FSTL1: variants seen among roughly 807,000 people sequenced by gnomAD.
FSTL1 encodes follistatin-related protein 1.
Under a neutral mutation model 45.9 loss-of-function variants are expected in FSTL1, and 24 were observed. The observed-to-expected ratio is 0.52, with a 90% CI of 0.38 to 0.74. The LOEUF is 0.74. FSTL1 is among the 30% of genes least tolerant of loss of function. The probability of loss-of-function intolerance (pLI) is 0.00; values close to 1 mark genes in which losing one functional copy is unlikely to be tolerated. For synonymous variants in FSTL1, 120 were observed against 137.6 expected (o/e 0.87, Z 0.89); for missense variants, 340 against 381.8 (o/e 0.89, Z 0.91).
chr3:120,434,264 A>G (rs1937518660), intron 2 of FSTL1, among the ~76,000 whole-genome samples: 1 of 152,186 alleles, frequency 6.6e-6, no homozygotes, highest in African/African-American at 2.4e-5. Flanking sequence ...AAAATAAAAG[A>G]GAAAATTCCT....
chr3:120,405,756 T>C lies in FSTL1; in HGVS notation c.463-785A>G, dbSNP rs557229336. Among the ~76,000 whole-genome samples the C allele has an allele frequency of 3.3e-5, 5 of 152,340 alleles. No individual in the cohort carries two copies. The South Asian group carries it at 1.0e-3, about 32-fold the overall frequency. On this transcript the variant is annotated intron_variant, in intron 6 of 10. Transcript: ENST00000295633. ...TCACACACTGTTCTCTATGGCAAGA[T>C]GCTAAACTGAGACCTCAGCCATCTG...
chr3:120,403,977 A>AC (rs1361849368), intron 7 of FSTL1, among the ~76,000 whole-genome samples: 4,707 of 96,718 alleles, frequency 0.049, 222 homozygotes, highest in Non-Finnish European at 0.078. Context: ...CAAAAACAAA[A>AC]AAAAACAAAA....
At chr3:120,431,048 T>A (rs1355108959) in intron 2 of FSTL1, among the ~76,000 whole-genome samples, 3 of 152,242 alleles carry the variant, frequency 2.0e-5, no homozygotes, top group Non-Finnish European at 4.4e-5. Flanking sequence ...CTCAGCTCAC[T>A]GCAAACTCCG....
chr3:120,392,582 T>G lies in FSTL1; in HGVS notation c.*4370A>C, dbSNP rs548805529. On this transcript the variant is annotated 3_prime_UTR_variant, in exon 11 of 11. Coordinates refer to ENST00000295633, the MANE Select transcript of FSTL1 (RefSeq NM_007085.5). The stretch of plus-strand genomic sequence containing the variant: ...TGTGATACAATTTGGATTTTTACCA[T>G]GTACACATATTATTTTTTCAGTAAA... 16 of 152,232 alleles carry G rather than the reference T, an allele frequency of 1.1e-4. No homozygotes were observed. Among genetic ancestry groups the G allele is most frequent in the Non-Finnish European group, 1.3e-4 (9 of 68,038 alleles). The allele number at this position is 152,232 out of a possible 1,614,324, so 9.4% of individuals were successfully genotyped here.
chr3:120,417,571 G>A (rs1937208655), intron 2 of FSTL1, among the ~76,000 whole-genome samples: 1 of 152,210 alleles, frequency 6.6e-6, no homozygotes, highest in Non-Finnish European at 1.5e-5. Flanking sequence ...CCAGAAGTCC[G>A]CGGGGATTGG....
chr3:120,401,639 G>C (rs981333663), intron 9 of FSTL1, among the ~76,000 whole-genome samples: 1 of 150,964 alleles, frequency 6.6e-6, no homozygotes, highest in African/African-American at 2.4e-5. Context: ...CTAGAATGCA[G>C]TGGCGTGACT....
At chr3:120,420,440 G>A (rs1937257954) in intron 2 of FSTL1, among the ~76,000 whole-genome samples, 1 of 152,164 alleles carries the variant, frequency 6.6e-6, no homozygotes, top group Non-Finnish European at 1.5e-5. Flanking sequence ...TGCCTGCAAT[G>A]GAGAAACATC....
intron 2 of FSTL1, among the ~76,000 whole-genome samples, chr3:120,440,138 C>CA (rs113182680): frequency 0.011 from 1,618 of 151,404 alleles, 19 homozygotes; most frequent in African/African-American, 0.037. Flanking sequence ...ACAACTGGTA[C>CA]AAAAAAAAAC....
chr3:120,407,519 T>A (rs1214288343), intron 6 of FSTL1, among the ~76,000 whole-genome samples: 1 of 152,194 alleles, frequency 6.6e-6, no homozygotes, highest in East Asian at 1.9e-4. Flanking sequence ...GAAAGTCAGA[T>A]TTTGGCCTTA....
At chr3:120,426,788 C>T (rs931651290) in intron 2 of FSTL1, among the ~76,000 whole-genome samples, 1 of 152,176 alleles carries the variant, frequency 6.6e-6, no homozygotes, top group African/African-American at 2.4e-5. Context: ...AAGTCTTTGG[C>T]ATATGGCACA....
chr3:120,441,903 T>C (rs1206833462), intron 2 of FSTL1, among the ~76,000 whole-genome samples: 1 of 152,240 alleles, frequency 6.6e-6, no homozygotes, highest in African/African-American at 2.4e-5. Flanking sequence ...CAAGATCACA[T>C]GGCTAGTAAG....
At chr3:120,414,146 A>G (rs1214888866) in intron 3 of FSTL1, among the ~76,000 whole-genome samples, 1 of 151,986 alleles carries the variant, frequency 6.6e-6, no homozygotes, top group Non-Finnish European at 1.5e-5. Flanking sequence ...TCCACCTCCC[A>G]GCCGCCTGCC....
chr3:120,432,176 A>T (rs926925603), intron 2 of FSTL1, among the ~76,000 whole-genome samples: 3 of 152,052 alleles, frequency 2.0e-5, no homozygotes, highest in East Asian at 1.9e-4. Flanking sequence ...TTTTTAAAAC[A>T]TTTTCTTGGC....
At chr3:120,439,131 G>A (rs1559744545) in intron 2 of FSTL1, among the ~76,000 whole-genome samples, 1 of 152,310 alleles carries the variant, frequency 6.6e-6, no homozygotes, top group East Asian at 1.9e-4. Flanking sequence ...GTGCAGGGAG[G>A]AGGCGAGAGC....
intron 7 of FSTL1, among the ~76,000 whole-genome samples, 159 bp downstream of exon 7, chr3:120,404,694 T>A (rs968995134): frequency 6.6e-6 from 1 of 152,228 alleles, no homozygotes; most frequent in Non-Finnish European, 1.5e-5. Flanking sequence ...ATATATTAAT[T>A]CATACTTTCA....
chr3:120,443,918 T>C (rs1295883285), intron 2 of FSTL1, among the ~76,000 whole-genome samples: 1 of 150,086 alleles, frequency 6.7e-6, no homozygotes, highest in African/African-American at 2.5e-5. Flanking sequence ...AGCATTCTAT[T>C]AGCAAGTTAT....
intron 2 of FSTL1, among the ~76,000 whole-genome samples, chr3:120,426,549 C>A (rs1305848569): frequency 6.6e-6 from 1 of 152,216 alleles, no homozygotes; most frequent in Non-Finnish European, 1.5e-5. Context: ...CCTGATACCA[C>A]AGACCTGCTG....
In FSTL1 at chr3:120,409,642, G is replaced by T. The variant is rs145669977; in HGVS notation, c.352C>A (p.Arg118Ser). ...ASPVVCYQSN[R>S]DELRRRIIQW... Reference sequence around the variant, plus strand: ...ATGATGCGACGTCGGAGCTCATCACGGTTGGACTGATAGCAAACAACTGCA... The same window carrying T: ...ATGATGCGACGTCGGAGCTCATCACTGTTGGACTGATAGCAAACAACTGCA... Residue 118 changes from arginine (R) to serine (S), a missense_variant, in exon 6 of 11, where the codon CGT becomes AGT. Transcript: ENST00000295633. The T allele has an allele frequency of 2.5e-6, 4 of 1,614,076 alleles. No homozygotes were observed. Among genetic ancestry groups the T allele is most frequent in the Non-Finnish European group, 3.4e-6 (4 of 1,179,962 alleles).
At chr3:120,418,633 C>T (rs1038794005) in intron 2 of FSTL1, among the ~76,000 whole-genome samples, 13 of 152,164 alleles carry the variant, frequency 8.5e-5, no homozygotes, top group African/African-American at 1.4e-4. Context: ...TAGCAAGTGT[C>T]GGGAGAATGT....
Sources: allele counts gnomAD v4.1 joint callset (sites outside exome capture counted in the v4.1 genomes callset), GRCh38; gene constraint gnomAD v4.1.1; transcripts MANE v1.5; gene names NCBI Gene and HGNC (gene_info 2026-07-23, HGNC 2026-07-21).